Variants in FMN1 observed in about 807,000 individuals in gnomAD.
FMN1 encodes the protein formin-1.
Under a neutral mutation model 132.4 loss-of-function variants are expected in FMN1, and 110 were observed. The observed-to-expected ratio is 0.83, with a 90% confidence interval of 0.71 to 0.97. The LOEUF (loss-of-function observed/expected upper bound fraction) is 0.97. Among genes scored for constraint, FMN1 ranks in the 50% least tolerant of loss-of-function variants. The pLI, the probability that FMN1 is intolerant of heterozygous loss-of-function variation, is 0.00. For synonymous variants in FMN1, 722 were observed against 651.7 expected, an observed-to-expected ratio of 1.11 and a Z score of -1.64; for missense variants, 1,792 against 1,705.3, an observed-to-expected ratio of 1.05 and a Z score of -0.90.
chr15:33,155,404 C>T (rs546049690), intron 3 of FMN1, among the ~76,000 whole-genome samples: 1 of 152,290 alleles, frequency 6.6e-6, no homozygotes, highest in Admixed American at 6.5e-5. Context: ...AAGTCCTTAT[C>T]TAGGGGGCTT....
chr15:33,050,654 C>G (rs2036925514), intron 6 of FMN1, among the ~76,000 whole-genome samples: 1 of 152,186 alleles, frequency 6.6e-6, no homozygotes, highest in South Asian at 2.1e-4. Flanking sequence ...GTTTAATATT[C>G]TGAGAGGCCA....
intron 19 of FMN1, among the ~76,000 whole-genome samples, chr15:32,784,501 G>C (rs1354553996): frequency 2.0e-5 from 3 of 152,180 alleles, no homozygotes; most frequent in South Asian, 2.1e-4. Flanking sequence ...TCTTCCTAAA[G>C]AACTGTCTAT....
chr15:33,044,557 G>A (rs1446542532), intron 6 of FMN1, among the ~76,000 whole-genome samples: 3 of 152,204 alleles, frequency 2.0e-5, no homozygotes, highest in African/African-American at 2.4e-5. Flanking sequence ...GAGCTGAGAA[G>A]ATGACAGGAT....
At chr15:32,984,362 GCA>G (rs1339212378) in intron 7 of FMN1, among the ~76,000 whole-genome samples, 3 of 152,050 alleles carry the variant, frequency 2.0e-5, no homozygotes, top group Non-Finnish European at 2.9e-5. Flanking sequence ...AGTGCAATTA[GCA>G]CAGTTTCCTC....
intron 6 of FMN1, among the ~76,000 whole-genome samples, chr15:33,056,019 G>C (rs1171741733): frequency 1.3e-5 from 2 of 152,320 alleles, no homozygotes; most frequent in East Asian, 3.9e-4. Context: ...ATTAAAACCA[G>C]AATGAGCTCA....
At chr15:32,892,505 C>T (rs955382588) in intron 15 of FMN1, among the ~76,000 whole-genome samples, 2 of 152,094 alleles carry the variant, frequency 1.3e-5, no homozygotes, top group Admixed American at 1.3e-4. Flanking sequence ...ACAAGGATAT[C>T]GGTCTGTAGT....
chr15:33,059,504 T>C (rs977514584), intron 6 of FMN1, among the ~76,000 whole-genome samples: 2 of 152,146 alleles, frequency 1.3e-5, no homozygotes, highest in African/African-American at 4.8e-5. Flanking sequence ...TAATTTACGT[T>C]CCCACAAAAA....
chr15:32,847,341 G>A (rs16959818), intron 17 of FMN1, among the ~76,000 whole-genome samples: 7,570 of 152,166 alleles, frequency 0.05, 329 homozygotes, highest in African/African-American at 0.11. Flanking sequence ...GACCCTGTAA[G>A]AGTTAATGAT....
chr15:33,179,867 C>A (rs1464457132), intron 3 of FMN1, among the ~76,000 whole-genome samples: 1 of 152,152 alleles, frequency 6.6e-6, no homozygotes, highest in Non-Finnish European at 1.5e-5. Flanking sequence ...TCCTTCCTTG[C>A]TTCTTTTTGA....
At chr15:33,086,578 T>A (rs1048532891) in intron 5 of FMN1, among the ~76,000 whole-genome samples, 1 of 143,454 alleles carries the variant, frequency 7.0e-6, no homozygotes, top group Non-Finnish European at 1.6e-5. Flanking sequence ...CACAGTATTT[T>A]TTAAAAACAC....
At chr15:32,844,974 C>A (rs1480099402) in intron 17 of FMN1, among the ~76,000 whole-genome samples, 1 of 152,168 alleles carries the variant, frequency 6.6e-6, no homozygotes, top group Non-Finnish European at 1.5e-5. Flanking sequence ...AAGAAACATA[C>A]CCGTATTATT....
At chr15:32,939,745 G>C (rs937897592) in intron 9 of FMN1, among the ~76,000 whole-genome samples, 1 of 152,102 alleles carries the variant, frequency 6.6e-6, no homozygotes, top group African/African-American at 2.4e-5. Flanking sequence ...GTGCTTGAAA[G>C]AAATCAAATT....
chr15:32,958,549 TATAC>T (rs34715846), intron 9 of FMN1, among the ~76,000 whole-genome samples: 14,310 of 150,578 alleles, frequency 0.095, 754 homozygotes, highest in African/African-American at 0.15. Flanking sequence ...TTTGAGAAGA[TATAC>T]ATACATACAT....
At chr15:33,114,108 T>A (rs1217233497) in intron 4 of FMN1, among the ~76,000 whole-genome samples, 3 of 152,202 alleles carry the variant, frequency 2.0e-5, no homozygotes, top group Non-Finnish European at 4.4e-5. Flanking sequence ...TCAGCCCGGT[T>A]TCCCTCTGAG....
chr15:32,851,059 AAAAAC>A (rs1036724818), intron 17 of FMN1, among the ~76,000 whole-genome samples: 1 of 151,768 alleles, frequency 6.6e-6, no homozygotes, highest in African/African-American at 2.4e-5. Context: ...CTCTGTCTCA[AAAAAC>A]AAGACAAAAC....
intron 18 of FMN1, among the ~76,000 whole-genome samples, chr15:32,800,552 T>C (rs566102485): frequency 1.4e-4 from 22 of 152,274 alleles, no homozygotes; most frequent in African/African-American, 2.4e-5. Flanking sequence ...AATACATAAG[T>C]AGAGAGTTAT....
chr15:33,086,273 G>C lies in FMN1; in HGVS notation c.2043+2526C>G, dbSNP rs1279803186. Among the ~76,000 whole-genome samples the C allele has an allele frequency of 2.3e-5, 3 of 130,098 alleles. No homozygotes were observed. In the South Asian group the frequency reaches 7.3e-4, roughly 32 times the overall value. The allele number at this position is 130,098 out of a possible 152,430, so 85.3% of individuals were successfully genotyped here. On this transcript the variant is annotated intron_variant, in intron 5 of 20. Transcript: ENST00000616417. ...CTCAAATTAAAAAAAAAAAAAAAAA[G>C]CAAAAACAAGACGAGGTTATAAAAT... is the stretch of plus-strand genomic sequence containing the variant.
At chr15:32,949,748 T>C (rs1297737797) in intron 9 of FMN1, among the ~76,000 whole-genome samples, 2 of 150,948 alleles carry the variant, frequency 1.3e-5, no homozygotes, top group East Asian at 2.0e-4. Flanking sequence ...CAAAAGAAAC[T>C]ATCAACAGAG....
chr15:33,047,926 C>G lies in FMN1; in HGVS notation c.2161+17031G>C, dbSNP rs1312004696. Among the ~76,000 whole-genome samples, 7 of 152,074 alleles carry G rather than the reference C, an allele frequency of 4.6e-5. No homozygotes were observed. In the East Asian group the frequency reaches 1.4e-3, roughly 29 times the overall value. The stretch of plus-strand genomic sequence containing the variant: ...ATGAAAAATCTTACAACTATTGGAT[C>G]TTCTTCTGTCTGAGTAGTTATATAT... On this transcript the variant is annotated intron_variant, in intron 6 of 20. Coordinates refer to ENST00000616417, the MANE Select transcript of FMN1 (RefSeq NM_001277313.2).
Sources: gnomAD v4.1 joint callset for allele counts (sites outside exome capture counted in the v4.1 genomes callset) on GRCh38, gnomAD v4.1.1 for gene constraint, MANE v1.5 for transcripts, NCBI Gene and HGNC (gene_info 2026-07-23, HGNC 2026-07-21) for gene names.